The following ACADSB variants were observed in gnomAD, a reference collection of about 807,000 sequenced individuals.
ACADSB encodes the protein short/branched chain specific acyl-CoA dehydrogenase, mitochondrial.
ACADSB carries 40 observed loss-of-function variants against 54.1 expected under a neutral mutation model. That is an observed-to-expected ratio of 0.74 (90% CI 0.57 to 0.96). ACADSB has a LOEUF of 0.96. Ranked by LOEUF, ACADSB falls within the 40% of genes least tolerant of loss-of-function variation. ACADSB has a pLI of 0.00. For synonymous variants in ACADSB, 182 were observed against 182.8 expected (o/e 1.00, Z 0.03); for missense variants, 530 against 510.4 (o/e 1.04, Z -0.37).
At chr10:123,011,518 G>A (rs925770074) in intron 1 of ACADSB, among the ~76,000 whole-genome samples, 2 of 151,186 alleles carry the variant, frequency 1.3e-5, no homozygotes, top group Non-Finnish European at 2.9e-5. Flanking sequence ...TTTTAATGTA[G>A]CTTGATATCT....
At position 123,034,472 on chromosome 10, in the gene ACADSB, C is replaced by T. The variant is rs1370145865; in HGVS notation, c.159C>T (p.Pro53=). ...CAAATAATGGAATACACTTTGCTCC[C>T]CTGCAAACATTTACAGATGAGGAAA... ...NITNNGIHFA[P]LQTFTDEEMM... is the part of the protein sequence containing the mutation. Residue 53 remains proline, a synonymous_variant, in exon 2 of 11, where the codon CCC becomes CCT. Coordinates refer to ENST00000358776, the MANE Select transcript of ACADSB (RefSeq NM_001609.4). 2 of 1,612,250 alleles carry T rather than the reference C, an allele frequency of 1.2e-6. No homozygotes were observed. Among genetic ancestry groups the T allele is most frequent in the Admixed American group, 1.7e-5 (1 of 60,014 alleles).
rs149609453 is a variant in ACADSB at position 123,054,042 on chromosome 10, A to T, written c.*277A>T. 7.1e-4 allele frequency: 346 copies of T among 485,282 alleles called. 2 individuals carry two copies. Among genetic ancestry groups the T allele is most frequent in the African/African-American group, 4.1e-3 (211 of 51,426 alleles). The allele number at this position is 485,282 out of a possible 1,614,324, so 30.1% of individuals were successfully genotyped here. A position where few individuals can be genotyped will look rare whatever the true frequency, so the allele number is the denominator to read the frequency against. On this transcript the variant is annotated 3_prime_UTR_variant, in exon 11 of 11. Transcript: ENST00000358776. ...AAGCTGTATACGCATACATATATAT[A>T]TTTTTACTCTGTCTTACTCTGTCAC... is the stretch of plus-strand genomic sequence containing the variant.
intron 1 of ACADSB, among the ~76,000 whole-genome samples, chr10:123,017,482 T>A (rs1189416499): frequency 6.6e-6 from 1 of 152,196 alleles, no homozygotes; most frequent in East Asian, 1.9e-4. Flanking sequence ...CATGCCCGGC[T>A]AATTTTTGTA....
At chr10:123,009,491 A>G (rs552700658) in intron 1 of ACADSB, among the ~76,000 whole-genome samples, 1 of 152,186 alleles carries the variant, frequency 6.6e-6, no homozygotes, top group South Asian at 2.1e-4. Context: ...CCCAAAAAAG[A>G]TAGTTAAAAT....
At chr10:123,046,002 A>G (rs1850557339) in intron 7 of ACADSB, among the ~76,000 whole-genome samples, 1 of 152,214 alleles carries the variant, frequency 6.6e-6, no homozygotes, top group African/African-American at 2.4e-5. Flanking sequence ...TTTGTAGTAG[A>G]AACATTTTAC....
intron 1 of ACADSB, among the ~76,000 whole-genome samples, chr10:123,031,246 A>G (rs1215379784): frequency 1.3e-5 from 2 of 152,218 alleles, no homozygotes; most frequent in South Asian, 2.1e-4. Context: ...TGAAATGAGG[A>G]TGTAATTTTA....
intron 1 of ACADSB, among the ~76,000 whole-genome samples, chr10:123,021,696 G>A (rs1262181100): frequency 6.6e-6 from 1 of 152,190 alleles, no homozygotes; most frequent in African/African-American, 2.4e-5. Context: ...TCTGCTAATT[G>A]GATTACTGGC....
At chr10:123,009,663 A>G (rs1849982724) in intron 1 of ACADSB, among the ~76,000 whole-genome samples, 2 of 152,022 alleles carry the variant, frequency 1.3e-5, no homozygotes, top group Admixed American at 6.5e-5. Flanking sequence ...TTCCGTGGAT[A>G]GACTCACCGC....
At position 123,009,006 on chromosome 10, in the gene ACADSB, A is replaced by C. The variant is rs1849949687; in HGVS notation, c.-24A>C. 1 of 1,547,580 alleles carries C rather than the reference A, an allele frequency of 6.5e-7. No homozygotes were observed. The highest frequency in any genetic ancestry group is 8.7e-7 in the Non-Finnish European group (1 of 1,146,806). On this transcript the variant is annotated 5_prime_UTR_variant, in exon 1 of 11. Transcript: ENST00000358776. ...GGGCTGGCTAGAGACCCAGAGGCGC[A>C]GAGCGGAGAGGCCTGCGGCGAGGAT...
chr10:123,021,536 A>G (rs192052487), intron 1 of ACADSB, among the ~76,000 whole-genome samples: 44 of 152,344 alleles, frequency 2.9e-4, no homozygotes, highest in African/African-American at 1.0e-3. Flanking sequence ...TTACATTCCC[A>G]TGGCTTCTTA....
chr10:123,022,948 A>G (rs577941227), intron 1 of ACADSB, among the ~76,000 whole-genome samples: 2 of 152,340 alleles, frequency 1.3e-5, no homozygotes, highest in Admixed American at 1.3e-4. Context: ...ACTGTACTCA[A>G]TTCCTTCATT....
rs115202234 is a variant in ACADSB, at chr10:123,048,593, G to A, written c.990+1295G>A. Among the ~76,000 whole-genome samples the A allele has an allele frequency of 4.9e-3, 745 of 152,212 alleles. 3 individuals are homozygous for A. Among genetic ancestry groups the A allele is most frequent in the African/African-American group, 0.017 (709 of 41,518 alleles). On this transcript the variant is annotated intron_variant, in intron 8 of 10. Transcript: ENST00000358776. ...AGGAAACTATGTTCTTGTGCATATAGATAGATAGATCAATAGACAGAAGGG... is the reference window on the plus strand; with the variant it reads ...AGGAAACTATGTTCTTGTGCATATAAATAGATAGATCAATAGACAGAAGGG...
At chr10:123,028,262 G>C (rs1022845342) in intron 1 of ACADSB, among the ~76,000 whole-genome samples, 1 of 151,342 alleles carries the variant, frequency 6.6e-6, no homozygotes, top group African/African-American at 2.4e-5. Context: ...TTTAATTATT[G>C]TAACAATATT....
In ACADSB at chr10:123,054,628, A is replaced by G. The variant is rs752266856; in HGVS notation, c.*863A>G. ...AGGGTATAATTTTGTAGGTCATATG[A>G]TTGAAGAAAATATTATTTTAACAAT... On this transcript the variant is annotated 3_prime_UTR_variant, in exon 11 of 11. Coordinates refer to ENST00000358776, the MANE Select transcript of ACADSB (RefSeq NM_001609.4). 4 of 152,192 alleles carry G rather than the reference A, an allele frequency of 2.6e-5. No individual in the cohort carries two copies. Among genetic ancestry groups the G allele is most frequent in the Non-Finnish European group, 4.4e-5 (3 of 68,032 alleles). The allele number at this position is 152,192 out of a possible 1,614,324, so 9.4% of individuals were successfully genotyped here.
intron 4 of ACADSB, 50 bp from the exon 5 acceptor site, chr10:123,041,159 A>G (rs553568977): frequency 5.1e-6 from 8 of 1,559,668 alleles, no homozygotes; most frequent in Non-Finnish European, 7.1e-6. Context: ...TTTGTTATAC[A>G]GAGTATAAAT....
chr10:123,019,598 A>G (rs934764609), intron 1 of ACADSB, among the ~76,000 whole-genome samples: 6 of 152,126 alleles, frequency 3.9e-5, no homozygotes, highest in African/African-American at 1.4e-4. Flanking sequence ...CCCTTTTTTC[A>G]TGGCCTTGCC....
intron 1 of ACADSB, among the ~76,000 whole-genome samples, chr10:123,014,293 TATAA>T (rs1356585716): frequency 1.3e-5 from 2 of 152,216 alleles, no homozygotes; most frequent in East Asian, 1.9e-4. Flanking sequence ...GCTGACTCAT[TATAA>T]ATAATCAGTA....
intron 1 of ACADSB, among the ~76,000 whole-genome samples, chr10:123,013,216 A>G (rs1850062493): frequency 6.6e-6 from 1 of 152,220 alleles, no homozygotes. Context: ...TGTATTTACA[A>G]TCCCTTAGCT....
At chr10:123,042,259 C>G (rs1025514568) in intron 5 of ACADSB, among the ~76,000 whole-genome samples, 1 of 151,970 alleles carries the variant, frequency 6.6e-6, no homozygotes, top group Non-Finnish European at 1.5e-5. Flanking sequence ...AACCACTGCA[C>G]CTGGCCCTAA....
Sources: gnomAD v4.1 joint callset for allele counts (sites outside exome capture counted in the v4.1 genomes callset) on GRCh38, gnomAD v4.1.1 for gene constraint, MANE v1.5 for transcripts, NCBI Gene and HGNC (gene_info 2026-07-23, HGNC 2026-07-21) for gene names.